Variants in PRKAG2 observed in about 807,000 individuals in gnomAD.
PRKAG2 encodes the protein protein kinase AMP-activated non-catalytic subunit gamma 2.
A neutral mutation model predicts 69.6 loss-of-function variants in PRKAG2; 26 were observed. The observed-to-expected ratio is 0.37, with a 90% CI of 0.27 to 0.52. The LOEUF (loss-of-function observed/expected upper bound fraction) is 0.52. Ranked by LOEUF, PRKAG2 falls within the 20% of genes least tolerant of loss-of-function variation. The pLI is 0.90. For missense variants in PRKAG2, 557 were observed against 740.0 expected (o/e 0.75, Z 2.87); for synonymous variants, 293 against 285.0 (o/e 1.03, Z -0.28).
chr7:151,866,841 G>C (rs993687972), intron 1 of PRKAG2, among the ~76,000 whole-genome samples: 1 of 152,028 alleles, frequency 6.6e-6, no homozygotes, highest in Admixed American at 6.5e-5. Context: ...TGACAGAGCT[G>C]TCCTCCCACC....
At chr7:151,852,316 G>A (rs1268820957) in intron 1 of PRKAG2, among the ~76,000 whole-genome samples, 3 of 152,158 alleles carry the variant, frequency 2.0e-5, no homozygotes, top group Non-Finnish European at 2.9e-5. Flanking sequence ...CCAACATGGC[G>A]AAACCCCGTC....
chr7:151,857,814 C>G (rs2079823557), intron 1 of PRKAG2, among the ~76,000 whole-genome samples: 1 of 152,228 alleles, frequency 6.6e-6, no homozygotes, highest in African/African-American at 2.4e-5. Context: ...TGCCACCTCG[C>G]TGGAGCATCA....
At chr7:151,562,936 C>T (rs1489832531) in intron 14 of PRKAG2, among the ~76,000 whole-genome samples, 1 of 135,148 alleles carries the variant, frequency 7.4e-6, no homozygotes, top group Non-Finnish European at 1.5e-5. Context: ...GCCTCGGCGA[C>T]AGAGCAAGAC....
At chr7:151,573,361 T>C (rs1808151876) in intron 8 of PRKAG2, among the ~76,000 whole-genome samples, 1 of 74,374 alleles carries the variant, frequency 1.3e-5, no homozygotes, top group African/African-American at 6.0e-5. Context: ...TTTTTTTTTT[T>C]GTAGAGATGG....
rs2075076825 is a variant in PRKAG2 at position 151,756,251 on chromosome 7, C to T, written c.466+24901G>A. On this transcript the variant is annotated intron_variant, in intron 3 of 15. Coordinates refer to ENST00000287878, the MANE Select transcript of PRKAG2 (RefSeq NM_016203.4). This position sits in a 1 kb window ranked among gnomAD's most constrained non-coding sequence, Gnocchi z 4.9. ...TCATGTGAGCAATGCCCCAGGAACA[C>T]ACACCACACACGTGACTGCAACGAA... Among the ~76,000 whole-genome samples the T allele has an allele frequency of 6.6e-6, 1 of 152,198 alleles. No individual in the cohort carries two copies. Among genetic ancestry groups the T allele is most frequent in the Non-Finnish European group, 1.5e-5 (1 of 68,032 alleles).
At position 151,632,562 on chromosome 7, in the gene PRKAG2, G is replaced by A. The variant is rs2151329132; in HGVS notation, c.685-424C>T. On this transcript the variant is annotated intron_variant, in intron 4 of 15. Coordinates refer to ENST00000287878, the MANE Select transcript of PRKAG2 (RefSeq NM_016203.4). This position sits in a 1 kb window ranked among gnomAD's most constrained non-coding sequence, Gnocchi z 4.2. ...GCCCGCCCCCACTCCGCCCCCCGGC[G>A]CCGCTCACCTTCCCAGCACCGGCGG... The A allele has an allele frequency of 1.0e-6, 1 of 984,464 alleles. No individual in the cohort carries two copies. The highest frequency in any genetic ancestry group is 1.7e-5 in the African/African-American group (1 of 57,206). 61.0% of individuals were successfully genotyped at this position (984,464 alleles called of 1,614,324 possible). A position where few individuals can be genotyped will look rare whatever the true frequency, so the allele number is the denominator to read the frequency against.
At position 151,828,323 on chromosome 7, in the gene PRKAG2, C is replaced by G. The variant is rs1403541231; in HGVS notation, c.115-41782G>C. Among the ~76,000 whole-genome samples the G allele has an allele frequency of 6.6e-6, 1 of 152,206 alleles. No homozygotes were observed. Among genetic ancestry groups the G allele is most frequent in the Non-Finnish European group, 1.5e-5 (1 of 68,036 alleles). On this transcript the variant is annotated intron_variant, in intron 1 of 15. Coordinates refer to ENST00000287878, the MANE Select transcript of PRKAG2 (RefSeq NM_016203.4). The surrounding 1 kb of genome is among the most constrained non-coding windows in gnomAD (Gnocchi z 4.6). ...ATCCTAGCCCAACAAGGGGTGACGGCAGGACTCTCCCCGGATTCAGGTCTA... is the reference window on the plus strand; with the variant it reads ...ATCCTAGCCCAACAAGGGGTGACGGGAGGACTCTCCCCGGATTCAGGTCTA...
chr7:151,668,916 G>A (rs563144630), intron 4 of PRKAG2, among the ~76,000 whole-genome samples: 16 of 152,342 alleles, frequency 1.1e-4, no homozygotes, highest in African/African-American at 3.6e-4. Flanking sequence ...GGGAGCATGG[G>A]AGTGACTGCT....
intron 3 of PRKAG2, among the ~76,000 whole-genome samples, chr7:151,710,072 A>G (rs1488639755): frequency 6.6e-6 from 1 of 152,118 alleles, no homozygotes; most frequent in African/African-American, 2.4e-5. Context: ...TAGAAACTGC[A>G]CTGGTGTCTT....
chr7:151,642,153 G>A (rs1436106934), intron 4 of PRKAG2, among the ~76,000 whole-genome samples: 3 of 151,604 alleles, frequency 2.0e-5, no homozygotes. Context: ...GGCTAACACG[G>A]TGAAACACTG....
intron 14 of PRKAG2, among the ~76,000 whole-genome samples, chr7:151,560,823 G>A (rs1276595310): frequency 2.6e-5 from 4 of 152,160 alleles, no homozygotes; most frequent in African/African-American, 9.7e-5. Flanking sequence ...CTTGGTGGGA[G>A]GATTGCTTGA....
intron 1 of PRKAG2, among the ~76,000 whole-genome samples, chr7:151,812,702 A>T (rs1423752463): frequency 6.6e-6 from 1 of 152,078 alleles, no homozygotes; most frequent in Non-Finnish European, 1.5e-5. Context: ...GGTCCACCCA[A>T]CCTCAGTCCA....
intron 1 of PRKAG2, among the ~76,000 whole-genome samples, chr7:151,868,782 T>C (rs185788158): frequency 6.6e-6 from 1 of 152,276 alleles, no homozygotes; most frequent in East Asian, 1.9e-4. Flanking sequence ...AAAAGGTGCC[T>C]AGAAACAGAA....
chr7:151,587,515 A>G (rs953459627), intron 6 of PRKAG2, among the ~76,000 whole-genome samples: 8 of 152,188 alleles, frequency 5.3e-5, no homozygotes, highest in African/African-American at 1.7e-4. Context: ...GGCACACCTC[A>G]GCCAGGTAAT....
intron 3 of PRKAG2, among the ~76,000 whole-genome samples, chr7:151,745,565 C>T (rs2074227804): frequency 1.3e-5 from 2 of 152,134 alleles, no homozygotes; most frequent in Admixed American, 6.5e-5. Flanking sequence ...GCCTGAGTCT[C>T]TGAGTGACAA....
chr7:151,682,758 A>G (rs867580464), intron 3 of PRKAG2, among the ~76,000 whole-genome samples: 17 of 150,476 alleles, frequency 1.1e-4, no homozygotes, highest in African/African-American at 4.1e-4. Context: ...CAACACCACC[A>G]TGCAATAAAG....
rs948665082 is a variant in PRKAG2 at position 151,835,663 on chromosome 7, G to A, written c.114+40844C>T. Among the ~76,000 whole-genome samples the A allele has an allele frequency of 6.6e-6, 1 of 152,202 alleles. No homozygotes were observed. The highest frequency in any genetic ancestry group is 2.4e-5 in the African/African-American group (1 of 41,450). On this transcript the variant is annotated intron_variant, in intron 1 of 15. Coordinates refer to ENST00000287878, the MANE Select transcript of PRKAG2 (RefSeq NM_016203.4). The surrounding 1 kb of genome is among the most constrained non-coding windows in gnomAD (Gnocchi z 4.1). ...TGTCATCACTTGCCAGATAAGGAGA[G>A]GTTGCTGTATGGACAGACACACAAG... is the stretch of plus-strand genomic sequence containing the variant.
chr7:151,598,405 C>T (rs1351700491), intron 5 of PRKAG2, among the ~76,000 whole-genome samples: 3 of 152,004 alleles, frequency 2.0e-5, no homozygotes, highest in South Asian at 2.1e-4. Flanking sequence ...TTAACAATAA[C>T]GTATTGTATA....
chr7:151,789,316 C>G (rs2077161855), intron 1 of PRKAG2, among the ~76,000 whole-genome samples: 1 of 152,066 alleles, frequency 6.6e-6, no homozygotes, highest in South Asian at 2.1e-4. Context: ...ATTTGCGTGT[C>G]TTCTTTCATT....
Sources: allele counts gnomAD v4.1 joint callset (sites outside exome capture counted in the v4.1 genomes callset), GRCh38; gene constraint gnomAD v4.1.1; non-coding constraint Gnocchi (gnomAD v3.1); transcripts MANE v1.5; gene names NCBI Gene and HGNC (gene_info 2026-07-23, HGNC 2026-07-21).